Variants in GNG7 observed in about 807,000 individuals in gnomAD.
GNG7 encodes guanine nucleotide-binding protein G(I)/G(S)/G(O) subunit gamma-7.
Under a neutral mutation model 4.0 loss-of-function variants are expected in GNG7, and 1 was observed. The ratio of observed to expected loss-of-function variants is 0.25; its 90% CI spans 0.09 to 1.18. The LOEUF is 1.18. Among genes scored for constraint, GNG7 ranks in the 50% most tolerant of loss-of-function variants. The pLI is 0.50. For missense variants in GNG7, 86 were observed against 91.9 expected (o/e 0.94, Z 0.26); for synonymous variants, 34 against 36.9 (o/e 0.92, Z 0.29).
At chr19:2,651,044 CA>C (rs1158433608) in intron 1 of GNG7, among the ~76,000 whole-genome samples, 1 of 152,184 alleles carries the variant, frequency 6.6e-6, no homozygotes, top group Non-Finnish European at 1.5e-5. Flanking sequence ...GTCTCAGACA[CA>C]GGCAAGAAAC....
At chr19:2,682,305 G>A (rs1267055609) in intron 1 of GNG7, among the ~76,000 whole-genome samples, 3 of 152,158 alleles carry the variant, frequency 2.0e-5, no homozygotes, top group Admixed American at 1.3e-4. Flanking sequence ...GCAAGGAAAC[G>A]TGGCTGGTTC....
At position 2,673,288 on chromosome 19, in the gene GNG7, C is replaced by CAAACA. The variant is rs1568281192; in HGVS notation, c.-134-27009_-134-27008insTGTTT. ...AAAAACAAAACAAAACAAAACAAAA[C>CAAACA]AAAAAAAAACCCAGCAGGTCATCAA... On this transcript the variant is annotated intron_variant, in intron 1 of 4. Coordinates refer to ENST00000382159, the MANE Select transcript of GNG7 (RefSeq NM_052847.3). Among the ~76,000 whole-genome samples, 7 of 136,960 alleles carry CAAACA rather than the reference C, an allele frequency of 5.1e-5. No homozygotes were observed. The East Asian group carries it at 1.4e-3, about 28-fold the overall frequency. The allele number at this position is 136,960 out of a possible 152,430, so 89.9% of individuals were successfully genotyped here.
chr19:2,676,709 C>T (rs1983601931), intron 1 of GNG7, among the ~76,000 whole-genome samples: 2 of 152,200 alleles, frequency 1.3e-5, no homozygotes, highest in African/African-American at 4.8e-5. Flanking sequence ...AGGCATCGCG[C>T]CCAGCCTCTT....
intron 1 of GNG7, among the ~76,000 whole-genome samples, chr19:2,678,751 G>A (rs545682780): frequency 1.8e-4 from 27 of 152,158 alleles, no homozygotes; most frequent in African/African-American, 5.8e-4. Context: ...CTCTCAAGGG[G>A]TCCCAGCTCT....
chr19:2,593,086 GA>G (rs890797400), intron 2 of GNG7, among the ~76,000 whole-genome samples: 3 of 151,988 alleles, frequency 2.0e-5, no homozygotes, highest in African/African-American at 7.2e-5. Context: ...AAAAAGAAAA[GA>G]AAATGCATAC....
chr19:2,547,516 C>CA (rs545380910), intron 3 of GNG7, among the ~76,000 whole-genome samples: 3 of 152,130 alleles, frequency 2.0e-5, no homozygotes, highest in Non-Finnish European at 4.4e-5. Flanking sequence ...TGCGCCCCCC[C>CA]ACCCCGGATC....
rs980277340 is a variant in GNG7, at chr19:2,614,097, C to T, written c.-78+32127G>A. 3.9e-5 allele frequency among the ~76,000 whole-genome samples: 6 copies of T among 152,202 alleles called. No homozygotes were observed. Among genetic ancestry groups the T allele is most frequent in the Non-Finnish European group, 8.8e-5 (6 of 68,024 alleles). On this transcript the variant is annotated intron_variant, in intron 2 of 4. Coordinates refer to ENST00000382159, the MANE Select transcript of GNG7 (RefSeq NM_052847.3). The surrounding 1 kb of genome is among the most constrained non-coding windows in gnomAD (Gnocchi z 6.0). Reference sequence around the variant, plus strand: ...CTCGCACAGGTGGGTCCGTTGCAGGCGTCTGTTGCGAGACCACATCCTCAC... The same window carrying T: ...CTCGCACAGGTGGGTCCGTTGCAGGTGTCTGTTGCGAGACCACATCCTCAC...
rs183430825 is a variant in GNG7 at position 2,531,252 on chromosome 19, C to T, written c.-37-10527G>A. Among the ~76,000 whole-genome samples, 10 of 135,572 alleles carry T rather than the reference C, an allele frequency of 7.4e-5. No individual in the cohort carries two copies. The East Asian group carries it at 1.6e-3, about 22-fold the overall frequency. 88.9% of individuals were successfully genotyped at this position (135,572 alleles called of 152,430 possible). ...CCGGGAGACGGTGGTTGCAGTGAACCGAGATCGTGCCACTGTATTCCAGCT... is the reference window on the plus strand; with the variant it reads ...CCGGGAGACGGTGGTTGCAGTGAACTGAGATCGTGCCACTGTATTCCAGCT... On this transcript the variant is annotated intron_variant, in intron 3 of 4. Coordinates refer to ENST00000382159, the MANE Select transcript of GNG7 (RefSeq NM_052847.3).
intron 2 of GNG7, among the ~76,000 whole-genome samples, chr19:2,589,306 T>C (rs984831697): frequency 1.4e-5 from 2 of 147,256 alleles, no homozygotes; most frequent in Non-Finnish European, 3.0e-5. Flanking sequence ...CACTGTAACC[T>C]CCGCCTCCTG....
At chr19:2,629,104 C>G (rs1039453612) in intron 2 of GNG7, among the ~76,000 whole-genome samples, 1 of 152,136 alleles carries the variant, frequency 6.6e-6, no homozygotes, top group Non-Finnish European at 1.5e-5. Flanking sequence ...CCAAGGAGCA[C>G]GTACTATGCA....
Position 2,608,844 on chromosome 19 carries a change from C to A in GNG7, c.-78+37380G>T, listed in dbSNP as rs374650906. Among the ~76,000 whole-genome samples, 24 of 152,310 alleles carry A rather than the reference C, an allele frequency of 1.6e-4. No individual in the cohort carries two copies. In the Middle Eastern group the frequency reaches 0.01, roughly 65 times the overall value. ...GACCCCTGCAGGCCTGCAACCACAG[C>A]CAAAATCAGTGTGCCTTCTCCAAAG... is the stretch of plus-strand genomic sequence containing the variant. On this transcript the variant is annotated intron_variant, in intron 2 of 4. Transcript: ENST00000382159.
chr19:2,555,959 G>T (rs547373724), intron 2 of GNG7, among the ~76,000 whole-genome samples: 1 of 152,208 alleles, frequency 6.6e-6, no homozygotes. Context: ...CGCGAGGGGG[G>T]CCCACGGGGA....
intron 1 of GNG7, among the ~76,000 whole-genome samples, chr19:2,681,309 G>T (rs919668024): frequency 6.6e-6 from 1 of 151,446 alleles, no homozygotes. Flanking sequence ...TCAGCCTCCC[G>T]AGTAGCTGGG....
At chr19:2,569,435 C>T (rs1347377841) in intron 2 of GNG7, among the ~76,000 whole-genome samples, 4 of 152,074 alleles carry the variant, frequency 2.6e-5, no homozygotes, top group Non-Finnish European at 5.9e-5. Flanking sequence ...GCCACCACAC[C>T]CGGCTAATTT....
rs1165031774 is a variant in GNG7, at chr19:2,657,346, AAAAAAAAAAAAAAAAATAT to A, written c.-134-11085_-134-11067del. ...AAGACCCCGTCTCAATTAAAAAAAA[AAAAAAAAAAAAAAAAATAT>A]ATATATATATATATATATATATATA... On this transcript the variant is annotated intron_variant, in intron 1 of 4. Transcript: ENST00000382159. 5.5e-4 allele frequency among the ~76,000 whole-genome samples: 11 copies of A among 19,938 alleles called. 3 individuals are homozygous for A. The highest frequency in any genetic ancestry group is 3.3e-3 in the South Asian group (2 of 614). 13.1% of individuals were successfully genotyped at this position (19,938 alleles called of 152,430 possible).
intron 2 of GNG7, among the ~76,000 whole-genome samples, chr19:2,602,447 C>T (rs1270618012): frequency 1.3e-5 from 2 of 152,218 alleles, no homozygotes; most frequent in Non-Finnish European, 2.9e-5. Context: ...GCAGATCCAG[C>T]ACTCCCTTCA....
At chr19:2,562,561 G>C (rs1252554248) in intron 2 of GNG7, among the ~76,000 whole-genome samples, 2 of 152,158 alleles carry the variant, frequency 1.3e-5, no homozygotes, top group African/African-American at 4.8e-5. Context: ...GTGGACACTG[G>C]GGCCAGATCC....
rs377188021 is a variant in GNG7 at position 2,579,412 on chromosome 19, C to T, written c.-77-24224G>A. Among the ~76,000 whole-genome samples the T allele has an allele frequency of 9.8e-4, 150 of 152,294 alleles. 5 individuals carry two copies. In the East Asian group the frequency reaches 0.026, roughly 26 times the overall value. On this transcript the variant is annotated intron_variant, in intron 2 of 4. Coordinates refer to ENST00000382159, the MANE Select transcript of GNG7 (RefSeq NM_052847.3). ...CTGCGCCCTGGCCATCAGGCTGCCCCGGGAAGCCGGGCGACCGGGAAGATA... is the reference window on the plus strand; with the variant it reads ...CTGCGCCCTGGCCATCAGGCTGCCCTGGGAAGCCGGGCGACCGGGAAGATA...
At chr19:2,648,824 C>T (rs552191790) in intron 1 of GNG7, among the ~76,000 whole-genome samples, 167 of 151,238 alleles carry the variant, frequency 1.1e-3, no homozygotes, top group Admixed American at 2.8e-3. Flanking sequence ...TCCTGCCCTC[C>T]ACCTTGCAGG....
Sources: gnomAD v4.1 joint callset for allele counts (sites outside exome capture counted in the v4.1 genomes callset) on GRCh38, gnomAD v4.1.1 for gene constraint, Gnocchi (gnomAD v3.1) non-coding constraint, MANE v1.5 for transcripts, NCBI Gene and HGNC (gene_info 2026-07-23, HGNC 2026-07-21) for gene names.